SF3A2: variants seen among roughly 807,000 people sequenced by gnomAD.
The protein encoded by SF3A2 is SAP 62.
Under a neutral mutation model 31.1 loss-of-function variants are expected in SF3A2, and 5 were observed. The ratio of observed to expected loss-of-function variants is 0.16; its 90% CI spans 0.08 to 0.34. The LOEUF (loss-of-function observed/expected upper bound fraction) is 0.34. Among genes scored for constraint, SF3A2 ranks in the 10% least tolerant of loss-of-function variants. The pLI, the probability that SF3A2 is intolerant of heterozygous loss-of-function variation, is 1.00. For synonymous variants in SF3A2, 365 were observed against 263.7 expected (o/e 1.38, Z -3.72); for missense variants, 577 against 643.9 (o/e 0.90, Z 1.13).
intron 4 of SF3A2, 132 bp downstream of exon 4, chr19:2,244,911 G>A (rs55709403): frequency 0.013 from 9,763 of 761,146 alleles, 102 homozygotes; most frequent in Non-Finnish European, 0.018. Flanking sequence ...GCTTGAGTAC[G>A]GTTCCTGGGG....
intron 2 of SF3A2, among the ~76,000 whole-genome samples, chr19:2,243,991 G>A (rs961906945): frequency 4.2e-4 from 64 of 152,198 alleles, no homozygotes; most frequent in African/African-American, 1.5e-3. Flanking sequence ...TACCGTCCCC[G>A]TCTTCCAGAT....
chr19:2,237,707 C>T (rs569475599), intron 1 of SF3A2: 8 of 152,208 alleles, frequency 5.3e-5, no homozygotes, highest in Non-Finnish European at 5.9e-5. Context: ...TGTTAGTTGA[C>T]TGGGGCTCTG....
rs375823523 is a variant in SF3A2, at chr19:2,248,100, C to A, written c.949C>A (p.Pro317Thr). ...GVHPPAPGVH[P>T]PAPGVHPPTS... ...CCACCCCCCAGCTCCTGGCGTCCAT[C>A]CCCCAGCCCCTGGGGTCCACCCACC... The change falls in exon 9 of 9, where the codon CCC becomes ACC. Residue 317 changes from proline to threonine, a missense_variant. Coordinates refer to ENST00000221494, the MANE Select transcript of SF3A2 (RefSeq NM_007165.5). The A allele has an allele frequency of 1.1e-4, 115 of 1,054,644 alleles. 2 individuals carry two copies. The highest frequency in any genetic ancestry group is 1.6e-4 in the Non-Finnish European group (112 of 705,946). 65.3% of individuals were successfully genotyped at this position (1,054,644 alleles called of 1,614,324 possible).
At chr19:2,237,515 C>T (rs1348670342) in intron 1 of SF3A2, 2 of 151,906 alleles carry the variant, frequency 1.3e-5, no homozygotes, top group African/African-American at 4.8e-5. Flanking sequence ...TCCAGGAGGT[C>T]GAGGCTGCAG....
In SF3A2 at chr19:2,247,997, G is replaced by T; in HGVS notation, c.846G>T (p.Pro282=). 1 of 832,376 alleles carries T rather than the reference G, an allele frequency of 1.2e-6. No homozygotes were observed. The highest frequency in any genetic ancestry group is 1.8e-6 in the Non-Finnish European group (1 of 555,658). 51.6% of individuals were successfully genotyped at this position (832,376 alleles called of 1,614,324 possible). The change falls in exon 9 of 9, where the codon CCG becomes CCT. Residue 282 remains proline (P), a synonymous_variant. Coordinates refer to ENST00000221494, the MANE Select transcript of SF3A2 (RefSeq NM_007165.5). ...CCCCGGGACCACCCCAGCTACCCCC[G>T]CCAGCTCCAGGGGTCCACCCCCCGG... The part of the protein sequence containing the change: ...SGPPGPPQLP[P]PAPGVHPPAP...
At chr19:2,247,361 CAAAT>C (rs770176733) in intron 7 of SF3A2, among the ~76,000 whole-genome samples, 2 of 152,282 alleles carry the variant, frequency 1.3e-5, no homozygotes, top group Non-Finnish European at 2.9e-5. Context: ...CATCAGGAAA[CAAAT>C]AATACAAACG....
rs2024922076 is a variant in SF3A2, at chr19:2,245,269, A to C, written c.246-177A>C. 2 of 580,654 alleles carry C rather than the reference A, an allele frequency of 3.4e-6. No individual in the cohort carries two copies. 36.0% of individuals were successfully genotyped at this position (580,654 alleles called of 1,614,324 possible). On this transcript the variant is annotated intron_variant, in intron 4 of 8. Coordinates refer to ENST00000221494, the MANE Select transcript of SF3A2 (RefSeq NM_007165.5). The surrounding 1 kb of genome is among the most constrained non-coding windows in gnomAD (Gnocchi z 4.2). ...CAGTGAGGAGCATGACAGGAAGAGA[A>C]CATGCCTGTCCTATCCCTGTCCTCA...
chr19:2,246,876 C>T lies in SF3A2; in HGVS notation c.406-6C>T, dbSNP rs1432145803. On this transcript the variant is annotated splice_region_variant and splice_polypyrimidine_tract_variant and intron_variant, in intron 6 of 8. Coordinates refer to ENST00000221494, the MANE Select transcript of SF3A2 (RefSeq NM_007165.5). The surrounding 1 kb of genome is among the most constrained non-coding windows in gnomAD (Gnocchi z 5.5). The stretch of plus-strand genomic sequence containing the variant: ...GCGGCTCTGCCACCCGGCCGTGTCC[C>T]TGCAGATTGACTACCCTGAGATCGC... 2 of 1,612,238 alleles carry T rather than the reference C, an allele frequency of 1.2e-6. No homozygotes were observed. Among genetic ancestry groups the T allele is most frequent in the African/African-American group, 1.3e-5 (1 of 74,986 alleles).
chr19:2,247,135 C>G (rs961143755), intron 7 of SF3A2, 113 bp downstream of exon 7: 3 of 1,418,140 alleles, frequency 2.1e-6, no homozygotes, highest in African/African-American at 1.5e-5. Flanking sequence ...TGGGCCCCCC[C>G]CAAGTCGGAG....
At chr19:2,244,982 C>T (rs1038861168) in intron 4 of SF3A2, 18 of 589,256 alleles carry the variant, frequency 3.1e-5, no homozygotes, top group Non-Finnish European at 4.5e-5. Flanking sequence ...GTCAGGAGTT[C>T]GAGACCAGCC....
Position 2,245,166 on chromosome 19 carries a change from A to G in SF3A2, c.246-280A>G, listed in dbSNP as rs1321615868. On this transcript the variant is annotated intron_variant, in intron 4 of 8. Transcript: ENST00000221494. This position sits in a 1 kb window ranked among gnomAD's most constrained non-coding sequence, Gnocchi z 4.2. Reference sequence around the variant, plus strand: ...GCCACTGTACTCCATCCTGGGCGACAGAGTGAGACTCTTGTCTTATTAAAA... The same window carrying G: ...GCCACTGTACTCCATCCTGGGCGACGGAGTGAGACTCTTGTCTTATTAAAA... 4.1e-6 allele frequency: 2 copies of G among 490,800 alleles called. No individual in the cohort carries two copies. Among genetic ancestry groups the G allele is most frequent in the South Asian group, 6.7e-5 (2 of 29,780 alleles). The allele number at this position is 490,800 out of a possible 1,614,324, so 30.4% of individuals were successfully genotyped here. A position where few individuals can be genotyped will look rare whatever the true frequency, so the allele number is the denominator to read the frequency against.
At chr19:2,241,481 G>T (rs188657377) in intron 1 of SF3A2, among the ~76,000 whole-genome samples, 3 of 152,188 alleles carry the variant, frequency 2.0e-5, no homozygotes, top group African/African-American at 7.2e-5. Context: ...ATGTCCTCCA[G>T]AGAAAAATGA....
rs776801743 is a variant in SF3A2 at position 2,245,704 on chromosome 19, C to T, written c.355+149C>T. The T allele has an allele frequency of 9.2e-6, 6 of 650,526 alleles. No homozygotes were observed. Among genetic ancestry groups the T allele is most frequent in the Non-Finnish European group, 1.7e-5 (6 of 362,176 alleles). 40.3% of individuals were successfully genotyped at this position (650,526 alleles called of 1,614,324 possible). A position where few individuals can be genotyped will look rare whatever the true frequency, so the allele number is the denominator to read the frequency against. On this transcript the variant is annotated intron_variant, in intron 5 of 8. Coordinates refer to ENST00000221494, the MANE Select transcript of SF3A2 (RefSeq NM_007165.5). The surrounding 1 kb of genome is among the most constrained non-coding windows in gnomAD (Gnocchi z 4.2). ...GTGGCCGTCCCTCACCCACCTGCAG[C>T]CTCTGGCGTTGTGTCTGGGAGCTGT...
At chr19:2,238,135 T>A (rs1401836478) in intron 1 of SF3A2, among the ~76,000 whole-genome samples, 1 of 152,192 alleles carries the variant, frequency 6.6e-6, no homozygotes, top group Non-Finnish European at 1.5e-5. Flanking sequence ...GCCATCCTCC[T>A]GCCTCAACCT....
chr19:2,239,931 T>G (rs1170115054), intron 1 of SF3A2, among the ~76,000 whole-genome samples: 1 of 152,198 alleles, frequency 6.6e-6, no homozygotes. Flanking sequence ...CTTCCCCCGA[T>G]AATGAAGGAG....
chr19:2,243,690 C>A, intron 2 of SF3A2, 146 bp downstream of exon 2: 3 of 909,142 alleles, frequency 3.3e-6, no homozygotes, highest in East Asian at 3.3e-5. Context: ...TGCCCCCGAG[C>A]AGCCACAGCT....
Position 2,247,667 on chromosome 19 carries a change from G to A in SF3A2, c.615+5G>A, listed in dbSNP as rs2024951570. Reference sequence around the variant, plus strand: ...TGGAACCGGGAGACCAAGCAGGTGAGTGGCTCGCCCCGAGCCTGGCTCCTT... The same window carrying A: ...TGGAACCGGGAGACCAAGCAGGTGAATGGCTCGCCCCGAGCCTGGCTCCTT... On this transcript the variant is annotated splice_donor_5th_base_variant and intron_variant, in intron 8 of 8. Coordinates refer to ENST00000221494, the MANE Select transcript of SF3A2 (RefSeq NM_007165.5). 6.2e-7 allele frequency: 1 copy of A among 1,613,040 alleles called. No homozygotes were observed. The highest frequency in any genetic ancestry group is 1.3e-5 in the African/African-American group (1 of 74,866).
At chr19:2,238,493 C>T (rs947851077) in intron 1 of SF3A2, among the ~76,000 whole-genome samples, 1 of 152,210 alleles carries the variant, frequency 6.6e-6, no homozygotes, top group Non-Finnish European at 1.5e-5. Flanking sequence ...ACCCACTGCA[C>T]CTTCACCTTC....
In SF3A2 at chr19:2,245,791, C is replaced by G; in HGVS notation, c.355+236C>G. The G allele has an allele frequency of 1.8e-6, 1 of 562,634 alleles. No individual in the cohort carries two copies. The allele number at this position is 562,634 out of a possible 1,614,324, so 34.9% of individuals were successfully genotyped here. On this transcript the variant is annotated intron_variant, in intron 5 of 8. Transcript: ENST00000221494. This position sits in a 1 kb window ranked among gnomAD's most constrained non-coding sequence, Gnocchi z 4.2. ...GCCCATTTCCCAGCTGAGCCACAGT[C>G]TGTGCCCTCCTGTCCGGGTCTTGTG...
Sources: allele counts gnomAD v4.1 joint callset (sites outside exome capture counted in the v4.1 genomes callset), GRCh38; gene constraint gnomAD v4.1.1; non-coding constraint Gnocchi (gnomAD v3.1); transcripts MANE v1.5; gene names NCBI Gene and HGNC (gene_info 2026-07-23, HGNC 2026-07-21).